Variants in DPP6 observed in about 807,000 individuals in gnomAD.
The protein encoded by DPP6 is A-type potassium channel modulatory protein DPP6.
DPP6 carries 69 observed loss-of-function variants against 122.6 expected under a neutral mutation model. The observed-to-expected ratio is 0.56, with a 90% CI of 0.46 to 0.69. The LOEUF (loss-of-function observed/expected upper bound fraction) is 0.69. Among genes scored for constraint, DPP6 ranks in the 30% least tolerant of loss-of-function variants. The pLI is 0.00. For missense variants in DPP6, 928 were observed against 1,116.9 expected (o/e 0.83, Z 2.41); for synonymous variants, 418 against 433.1 (o/e 0.97, Z 0.43).
chr7:154,037,205 G>C (rs1282464923), intron 1 of DPP6, among the ~76,000 whole-genome samples: 1 of 152,164 alleles, frequency 6.6e-6, no homozygotes, highest in Non-Finnish European at 1.5e-5. Context: ...AGGAACCAGA[G>C]AGGAGAGAGC....
At chr7:154,233,371 G>A (rs1411942507) in intron 1 of DPP6, among the ~76,000 whole-genome samples, 2 of 152,218 alleles carry the variant, frequency 1.3e-5, no homozygotes. Context: ...GAGCTTATAA[G>A]CAAATGAAAT....
In DPP6 at chr7:154,624,326, T is replaced by TA. The variant is rs34931013; in HGVS notation, c.628-13479dup. 0.64 allele frequency among the ~76,000 whole-genome samples: 89,134 copies of TA among 139,958 alleles called. 29,543 individuals carry two copies. Among genetic ancestry groups the TA allele is most frequent in the Non-Finnish European group, 0.73 (47,622 of 65,294 alleles). 91.8% of individuals were successfully genotyped at this position (139,958 alleles called of 152,430 possible). A position where few individuals can be genotyped will look rare whatever the true frequency, so the allele number is the denominator to read the frequency against. ...AGGGCGACAGAGTGAGACTCCATCT[T>TA]AAAAAAAAAAAAAAAATCAGCTTGG... On this transcript the variant is annotated intron_variant, in intron 5 of 25. Coordinates refer to ENST00000377770, the MANE Select transcript of DPP6 (RefSeq NM_130797.4). This position sits in a 1 kb window ranked among gnomAD's most constrained non-coding sequence, Gnocchi z 4.7.
chr7:154,074,213 G>T (rs1243929754), intron 1 of DPP6, among the ~76,000 whole-genome samples: 1 of 151,462 alleles, frequency 6.6e-6, no homozygotes, highest in Non-Finnish European at 1.5e-5. Context: ...CTCAACAGGT[G>T]CATGTCATAA....
intron 1 of DPP6, among the ~76,000 whole-genome samples, chr7:154,023,326 A>G (rs183347548): frequency 6.4e-4 from 89 of 138,330 alleles, no homozygotes; most frequent in Middle Eastern, 3.8e-3. Context: ...CTGCACACAC[A>G]CACACACACA....
intron 1 of DPP6, among the ~76,000 whole-genome samples, chr7:153,962,924 C>T (rs1795428648): frequency 6.6e-6 from 1 of 152,166 alleles, no homozygotes; most frequent in Non-Finnish European, 1.5e-5. Flanking sequence ...TTTGATGCTT[C>T]ACACGCTAAT....
At chr7:154,295,626 C>T (rs1805487859) in intron 1 of DPP6, among the ~76,000 whole-genome samples, 1 of 151,884 alleles carries the variant, frequency 6.6e-6, no homozygotes, top group Non-Finnish European at 1.5e-5. Context: ...TTCCTCCTTC[C>T]TTCACTTCCT....
At chr7:154,428,246 A>G (rs963206053) in intron 1 of DPP6, among the ~76,000 whole-genome samples, 5 of 152,228 alleles carry the variant, frequency 3.3e-5, no homozygotes, top group African/African-American at 7.2e-5. Context: ...AAAGTCAGAA[A>G]TCAGTTAGAA....
At chr7:153,887,864 G>A in intron 1 of DPP6, 1 of 1,054,122 alleles carries the variant, frequency 9.5e-7, no homozygotes, top group Non-Finnish European at 1.3e-6. Flanking sequence ...GCGCGCGGCG[G>A]CGCTTCTCCC....
chr7:154,887,891 T>A (rs1806291791), intron 23 of DPP6, among the ~76,000 whole-genome samples, 157 bp downstream of exon 23: 2 of 152,124 alleles, frequency 1.3e-5, no homozygotes, highest in Non-Finnish European at 2.9e-5. Context: ...GAAGGATCAT[T>A]CCACCAGAGA....
the DPP6 span, among the ~76,000 whole-genome samples, chr7:153,841,971 T>A: frequency 1.3e-5 from 2 of 152,244 alleles, no homozygotes; most frequent in African/African-American, 4.8e-5. Context: ...TCTAATTTAA[T>A]GTGTGCCCAG....
the DPP6 span, among the ~76,000 whole-genome samples, chr7:153,776,360 C>G: frequency 6.6e-6 from 1 of 152,048 alleles, no homozygotes; most frequent in Non-Finnish European, 1.5e-5. Flanking sequence ...GTGAATGAGT[C>G]CTCCTGAGGC....
At position 154,804,930 on chromosome 7, in the gene DPP6, A is replaced by T. The variant is rs1282143806; in HGVS notation, c.1513A>T (p.Thr505Ser). ...TGATCTTTGCAGCTACTTCCTGAGCACGGAGGACCTGCCTCGGAGACGACA... is the reference window on the plus strand; with the variant it reads ...TGATCTTTGCAGCTACTTCCTGAGCTCGGAGGACCTGCCTCGGAGACGACA... ...EKGNKIYFLS[T>S]EDLPRRRQLY... Residue 505 changes from threonine (T) to serine (S), a missense_variant, in exon 15 of 26, where the codon ACG (threonine) becomes TCG (serine). Transcript: ENST00000377770. 1 of 1,603,116 alleles carries T rather than the reference A, an allele frequency of 6.2e-7. No homozygotes were observed. The highest frequency in any genetic ancestry group is 8.5e-7 in the Non-Finnish European group (1 of 1,174,638).
chr7:154,574,364 GTGTA>G (rs1831325398), intron 5 of DPP6, among the ~76,000 whole-genome samples: 1 of 136,060 alleles, frequency 7.3e-6, no homozygotes. Context: ...TGTGTGTGTT[GTGTA>G]TGTGTGTGTA....
intron 8 of DPP6, among the ~76,000 whole-genome samples, chr7:154,742,807 C>G (rs902040360): frequency 2.6e-5 from 4 of 152,194 alleles, no homozygotes; most frequent in African/African-American, 9.7e-5. Flanking sequence ...GGTGGCCTCT[C>G]CCAGCTGCCT....
In DPP6 at chr7:154,109,944, G is replaced by T. The variant is rs576696026; in HGVS notation, c.243+56881G>T. On this transcript the variant is annotated intron_variant, in intron 1 of 25. Transcript: ENST00000377770. Reference sequence around the variant, plus strand: ...GCCCATGCAGGGAACCCTAATTGGGGTGCAGGGTGGGGGAGCAACAGAATG... The same window carrying T: ...GCCCATGCAGGGAACCCTAATTGGGTTGCAGGGTGGGGGAGCAACAGAATG... Among the ~76,000 whole-genome samples, 163 of 142,484 alleles carry T rather than the reference G, an allele frequency of 1.1e-3. 2 individuals are homozygous for T. The highest frequency in any genetic ancestry group is 3.9e-3 in the African/African-American group (149 of 37,766). The allele number at this position is 142,484 out of a possible 152,430, so 93.5% of individuals were successfully genotyped here.
chr7:154,697,174 G>A lies in DPP6; in HGVS notation c.762+27733G>A, dbSNP rs562986723. On this transcript the variant is annotated intron_variant, in intron 7 of 25. Transcript: ENST00000377770. ...AGTATTGATGGGAAAGTCAGCCTCAGGCATCATGTGCATCATTCAAGGTGT... is the reference window on the plus strand; with the variant it reads ...AGTATTGATGGGAAAGTCAGCCTCAAGCATCATGTGCATCATTCAAGGTGT... 3.5e-4 allele frequency among the ~76,000 whole-genome samples: 53 copies of A among 152,308 alleles called. 1 individual carries two copies. The highest frequency in any genetic ancestry group is 1.2e-3 in the African/African-American group (51 of 41,574).
chr7:154,060,459 C>A (rs1237864295), intron 1 of DPP6, among the ~76,000 whole-genome samples: 2 of 141,660 alleles, frequency 1.4e-5, no homozygotes, highest in Non-Finnish European at 3.1e-5. Flanking sequence ...GACCCTCTTC[C>A]CCCTCTGGCT....
At chr7:154,675,749 G>A (rs950506608) in intron 7 of DPP6, among the ~76,000 whole-genome samples, 4 of 152,132 alleles carry the variant, frequency 2.6e-5, no homozygotes, top group Non-Finnish European at 4.4e-5. Flanking sequence ...CCCCAACCGC[G>A]AATGCTGCCC....
At chr7:154,528,802 G>C (rs538011203) in intron 3 of DPP6, among the ~76,000 whole-genome samples, 1 of 152,204 alleles carries the variant, frequency 6.6e-6, no homozygotes, top group African/African-American at 2.4e-5. Flanking sequence ...AAGGGAGTTG[G>C]CCTTTATGCA....
Sources: allele counts gnomAD v4.1 joint callset (sites outside exome capture counted in the v4.1 genomes callset), GRCh38; gene constraint gnomAD v4.1.1; non-coding constraint Gnocchi (gnomAD v3.1); transcripts MANE v1.5; gene names NCBI Gene and HGNC (gene_info 2026-07-23, HGNC 2026-07-21).